Variants in SMU1 observed in about 807,000 individuals in gnomAD.
The protein encoded by SMU1 is SMU1 DNA replication regulator and spliceosomal factor, also known as WD40 repeat-containing protein SMU1.
A neutral mutation model predicts 62.0 loss-of-function variants in SMU1; 2 were observed. That is an observed-to-expected ratio of 0.03 (90% CI 0.01 to 0.10). The LOEUF (loss-of-function observed/expected upper bound fraction) is 0.10. Ranked by LOEUF, SMU1 falls within the 10% of genes least tolerant of loss-of-function variation. SMU1 has a pLI of 1.00. For synonymous variants in SMU1, 188 were observed against 212.4 expected, an observed-to-expected ratio of 0.89 and a Z score of 1.00; for missense variants, 227 against 622.1, an observed-to-expected ratio of 0.36 and a Z score of 6.76.
rs896162498 is a variant in SMU1, at chr9:33,042,219, A to G, written c.*5074T>C. ...AATAGTTATATCCTGAAGAGGCAGA[A>G]ACTGATAGGTTTGTCTGTGTAGTTT... On this transcript the variant is annotated 3_prime_UTR_variant, in exon 12 of 12. Transcript: ENST00000397149. 2 of 152,862 alleles carry G rather than the reference A, an allele frequency of 1.3e-5. No homozygotes were observed. Among genetic ancestry groups the G allele is most frequent in the Admixed American group, 1.3e-4 (2 of 15,282 alleles). 9.5% of individuals were successfully genotyped at this position (152,862 alleles called of 1,614,324 possible). A position where few individuals can be genotyped will look rare whatever the true frequency, so the allele number is the denominator to read the frequency against.
At chr9:33,053,630 G>A (rs758218135) in intron 9 of SMU1, among the ~76,000 whole-genome samples, 5 of 152,130 alleles carry the variant, frequency 3.3e-5, no homozygotes, top group Non-Finnish European at 5.9e-5. Flanking sequence ...TACAATGCCC[G>A]CACACCACTT....
At chr9:33,062,941 G>A (rs1839379198) in intron 4 of SMU1, among the ~76,000 whole-genome samples, 1 of 152,196 alleles carries the variant, frequency 6.6e-6, no homozygotes, top group Admixed American at 6.5e-5. Context: ...AGTTGCACTA[G>A]TGTTCACAAC....
chr9:33,047,104 T>C lies in SMU1; in HGVS notation c.*189A>G. On this transcript the variant is annotated 3_prime_UTR_variant, in exon 12 of 12. Transcript: ENST00000397149. ...CACCAGTTAGAAGAAGATAAACTAATACCTTAAAAATATATAAAAAAAGAA... is the reference window on the plus strand; with the variant it reads ...CACCAGTTAGAAGAAGATAAACTAACACCTTAAAAATATATAAAAAAAGAA... The C allele has an allele frequency of 2.0e-6, 1 of 493,004 alleles. No individual in the cohort carries two copies. The highest frequency in any genetic ancestry group is 3.9e-5 in the Admixed American group (1 of 25,664). 30.5% of individuals were successfully genotyped at this position (493,004 alleles called of 1,614,324 possible). A position where few individuals can be genotyped will look rare whatever the true frequency, so the allele number is the denominator to read the frequency against.
At position 33,056,993 on chromosome 9, in the gene SMU1, A is replaced by G. The variant is rs112105778; in HGVS notation, c.868-29T>C. 1.8e-4 allele frequency: 284 copies of G among 1,592,276 alleles called. 2 individuals are homozygous for G. In the African/African-American group the frequency reaches 3.0e-3, roughly 17 times the overall value. On this transcript the variant is annotated intron_variant, in intron 7 of 11. Transcript: ENST00000397149. ...TATTTGAAAAAAAAAAAAGAATTAAAAAAACCTTGTTAAGTGTCCTACTAT... is the reference window on the plus strand; with the variant it reads ...TATTTGAAAAAAAAAAAAGAATTAAGAAAACCTTGTTAAGTGTCCTACTAT...
intron 3 of SMU1, among the ~76,000 whole-genome samples, chr9:33,069,555 TTTTCGGGGGC>T (rs1839463274): frequency 6.6e-6 from 1 of 152,112 alleles, no homozygotes; most frequent in South Asian, 2.1e-4. Context: ...AATCCCAACA[TTTTCGGGGGC>T]TGAGGCTGGC....
intron 9 of SMU1, among the ~76,000 whole-genome samples, chr9:33,054,276 T>C (rs1129912): frequency 0.07 from 10,715 of 152,174 alleles, 513 homozygotes; most frequent in Non-Finnish European, 0.11. Context: ...ACTTCAGCCT[T>C]CTGAGTACGG....
At chr9:33,056,345 TA>T (rs1839303928) in intron 8 of SMU1, 106 bp from the exon 9 acceptor site, 1 of 1,184,386 alleles carries the variant, frequency 8.4e-7, no homozygotes, top group Non-Finnish European at 1.2e-6. Flanking sequence ...CATGTTATAA[TA>T]TTAAGTGAAG....
chr9:33,068,415 G>C (rs1272083119), intron 4 of SMU1, among the ~76,000 whole-genome samples: 1 of 152,148 alleles, frequency 6.6e-6, no homozygotes, highest in Non-Finnish European at 1.5e-5. Context: ...CAACTCTGTA[G>C]GTAGTCCCCA....
At chr9:33,069,079 T>C in intron 3 of SMU1, 145 bp from the exon 4 acceptor site, 3 of 1,314,082 alleles carry the variant, frequency 2.3e-6, no homozygotes, top group South Asian at 3.5e-5. Flanking sequence ...GTTGAACTAA[T>C]TTAGTTTTTG....
At chr9:33,069,044 A>T in intron 3 of SMU1, 110 bp from the exon 4 acceptor site, 2 of 1,400,030 alleles carry the variant, frequency 1.4e-6, no homozygotes, top group South Asian at 3.1e-5. Flanking sequence ...TGTGAAAAGA[A>T]ATTACCCAGT....
chr9:33,071,190 C>T (rs537260861), intron 3 of SMU1, among the ~76,000 whole-genome samples: 1 of 151,552 alleles, frequency 6.6e-6, no homozygotes, highest in Non-Finnish European at 1.5e-5. Context: ...TTTTGACAAA[C>T]CTCTAGTAAA....
intron 6 of SMU1, among the ~76,000 whole-genome samples, chr9:33,058,206 G>C (rs996923010): frequency 2.0e-5 from 3 of 151,740 alleles, no homozygotes; most frequent in African/African-American, 7.3e-5. Flanking sequence ...CTGCTTCCTG[G>C]TTTAAAAAAT....
At chr9:33,064,908 A>G (rs1398105091) in intron 4 of SMU1, among the ~76,000 whole-genome samples, 1 of 151,984 alleles carries the variant, frequency 6.6e-6, no homozygotes. Flanking sequence ...ATGGCCAGCT[A>G]ATTTTTCTAT....
At chr9:33,060,204 C>T (rs894423236) in intron 6 of SMU1, among the ~76,000 whole-genome samples, 3 of 151,980 alleles carry the variant, frequency 2.0e-5, no homozygotes, top group African/African-American at 7.2e-5. Flanking sequence ...TTGGTAGAGA[C>T]GCGGTCTCAC....
intron 9 of SMU1, among the ~76,000 whole-genome samples, chr9:33,055,785 G>C (rs1769001754): frequency 6.6e-6 from 1 of 152,172 alleles, no homozygotes; most frequent in African/African-American, 2.4e-5. Context: ...ACTGTTAGCA[G>C]GTGGACCATA....
At chr9:33,065,438 A>C (rs368218665) in intron 4 of SMU1, among the ~76,000 whole-genome samples, 101 of 152,180 alleles carry the variant, frequency 6.6e-4, no homozygotes, top group Non-Finnish European at 1.2e-3. Flanking sequence ...AAGTGATGGT[A>C]ATTAAGGAAT....
intron 9 of SMU1, among the ~76,000 whole-genome samples, chr9:33,054,328 T>C: frequency 6.6e-6 from 1 of 152,160 alleles, no homozygotes; most frequent in East Asian, 1.9e-4. Context: ...AAATAGAGGC[T>C]TTTTAGCTTG....
intron 9 of SMU1, 55 bp from the exon 10 acceptor site, chr9:33,053,345 G>T: frequency 6.7e-7 from 1 of 1,502,784 alleles, no homozygotes; most frequent in Non-Finnish European, 9.0e-7. Context: ...AATTTCTAAA[G>T]TTTTAGGGTT....
intron 4 of SMU1, among the ~76,000 whole-genome samples, chr9:33,062,574 T>C (rs995443550): frequency 2.6e-5 from 4 of 152,200 alleles, no homozygotes; most frequent in Admixed American, 6.5e-5. Context: ...GTAATTATAC[T>C]ATATGTAAAA....
Sources: gnomAD v4.1 joint callset for allele counts (sites outside exome capture counted in the v4.1 genomes callset) on GRCh38, gnomAD v4.1.1 for gene constraint, MANE v1.5 for transcripts, NCBI Gene and HGNC (gene_info 2026-07-23, HGNC 2026-07-21) for gene names.